Variants in SEMA6A observed in about 807,000 individuals in gnomAD.
The protein encoded by SEMA6A is semaphorin 6A, also known as semaphorin-6A.
In SEMA6A, 25 loss-of-function variants were observed where a neutral mutation model predicts 96.8. The observed-to-expected ratio is 0.26, with a 90% CI of 0.19 to 0.36. The LOEUF (loss-of-function observed/expected upper bound fraction) is 0.36. SEMA6A is among the 10% of genes least tolerant of loss of function. SEMA6A has a pLI of 1.00. For missense variants in SEMA6A, 1,363 were observed against 1,323.1 expected (o/e 1.03, Z -0.47); for synonymous variants, 612 against 518.0 (o/e 1.18, Z -2.46).
At chr5:116,507,443 G>A (rs932436190) in intron 1 of SEMA6A, among the ~76,000 whole-genome samples, 3 of 152,112 alleles carry the variant, frequency 2.0e-5, no homozygotes, top group African/African-American at 7.2e-5. Flanking sequence ...AAGAACACAG[G>A]CTTGAGTCTC....
intron 18 of SEMA6A, among the ~76,000 whole-genome samples, chr5:116,466,178 C>T (rs1230266555): frequency 6.6e-6 from 1 of 151,244 alleles, no homozygotes; most frequent in Non-Finnish European, 1.5e-5. Context: ...CAAGACCAGC[C>T]TGGCCAACAT....
chr5:116,563,949 C>T (rs1760921520), intron 1 of SEMA6A, among the ~76,000 whole-genome samples: 2 of 152,248 alleles, frequency 1.3e-5, no homozygotes, highest in African/African-American at 2.4e-5. Flanking sequence ...ATAATTGAAG[C>T]CTCTGGGTGA....
chr5:116,464,772 A>G (rs1484742765), intron 18 of SEMA6A, among the ~76,000 whole-genome samples: 4 of 152,244 alleles, frequency 2.6e-5, no homozygotes, highest in Non-Finnish European at 5.9e-5. Flanking sequence ...AAACGCAGCA[A>G]ACATACTCTG....
intron 1 of SEMA6A, among the ~76,000 whole-genome samples, chr5:116,531,935 C>G (rs919458375): frequency 1.5e-4 from 23 of 152,232 alleles, no homozygotes; most frequent in African/African-American, 5.1e-4. Flanking sequence ...AAAGAGCCAA[C>G]TGGAATTAGC....
At chr5:116,455,608 G>C (rs1480898625) in intron 18 of SEMA6A, among the ~76,000 whole-genome samples, 1 of 152,090 alleles carries the variant, frequency 6.6e-6, no homozygotes, top group Non-Finnish European at 1.5e-5. Context: ...GTGAAATTTG[G>C]GCAAGTCTTT....
intron 15 of SEMA6A, among the ~76,000 whole-genome samples, chr5:116,476,180 T>C (rs1756438278): frequency 6.6e-6 from 1 of 152,178 alleles, no homozygotes; most frequent in South Asian, 2.1e-4. Context: ...AGTATTACTC[T>C]CATTCTCTTT....
chr5:116,473,055 G>C lies in SEMA6A; in HGVS notation c.1729+18C>G. The C allele has an allele frequency of 6.3e-7, 1 of 1,587,978 alleles. No individual in the cohort carries two copies. The highest frequency in any genetic ancestry group is 8.6e-7 in the Non-Finnish European group (1 of 1,165,572). ...GGTTTCCACCAGTATGGAATTATGA[G>C]AGTAATATCTTCCTTACCATTCAGT... is the stretch of plus-strand genomic sequence containing the variant. On this transcript the variant is annotated intron_variant, in intron 17 of 18. Coordinates refer to ENST00000343348, the MANE Select transcript of SEMA6A (RefSeq NM_020796.5).
intron 9 of SEMA6A, among the ~76,000 whole-genome samples, chr5:116,487,836 C>G (rs999647023): frequency 2.2e-4 from 34 of 152,230 alleles, no homozygotes; most frequent in African/African-American, 7.7e-4. Context: ...TGCACTCCAG[C>G]CTGGGCAACT....
Position 116,447,100 on chromosome 5 carries a change from T to A in SEMA6A, c.2606A>T (p.Asn869Ile). 1 of 1,613,894 alleles carries A rather than the reference T, an allele frequency of 6.2e-7. No homozygotes were observed. The highest frequency in any genetic ancestry group is 8.5e-7 in the Non-Finnish European group (1 of 1,179,858). ...CAGGCTGTCCAGGTTCTCCACAAGG[T>A]TCACCCCATGGTTGGGACTCTTGCT... ...LSSKSPNHGV[N>I]LVENLDSLPP... The change falls in exon 19 of 19, where the codon AAC (asparagine) becomes ATC (isoleucine). Residue 869 changes from asparagine to isoleucine, a missense_variant. Around this residue, in one of 2 missense-constraint regions of SEMA6A, gnomAD observed 883 missense variants for 763.6 expected, o/e 1.16. Transcript: ENST00000343348.
chr5:116,482,735 TTCTC>T (rs1399649918), intron 10 of SEMA6A, among the ~76,000 whole-genome samples, 160 bp from the exon 11 acceptor site: 1 of 152,216 alleles, frequency 6.6e-6, no homozygotes, highest in Admixed American at 6.5e-5. Flanking sequence ...AAGAAAATAT[TTCTC>T]TCAATCAAAT....
intron 1 of SEMA6A, among the ~76,000 whole-genome samples, chr5:116,509,494 C>G (rs1474851641): frequency 6.6e-6 from 1 of 152,184 alleles, no homozygotes; most frequent in African/African-American, 2.4e-5. Flanking sequence ...CTAGTCTCCT[C>G]ACCTGTAAAA....
chr5:116,478,609 T>C lies in SEMA6A; in HGVS notation c.1360A>G (p.Ile454Val), dbSNP rs758903108. Reference protein sequence around the residue: ...KGIILKFLARIGNSGFLNDSL... With the variant: ...KGIILKFLARVGNSGFLNDSL... ...TCATTTAGAAAACCACTATTTCCTA[T>C]TCTGGCCAAAAACTTCAAGATGATT... The change falls in exon 13 of 19, where the codon ATA becomes GTA. Residue 454 changes from isoleucine to valine, a missense_variant. Ile to Val is a conservative substitution (Grantham distance 29, BLOSUM62 3). Transcript: ENST00000343348. 6.2e-7 allele frequency: 1 copy of C among 1,613,560 alleles called. No individual in the cohort carries two copies. The highest frequency in any genetic ancestry group is 1.1e-5 in the South Asian group (1 of 90,966).
chr5:116,496,400 G>A, intron 4 of SEMA6A, 87 bp from the exon 5 acceptor site: 1 of 1,069,372 alleles, frequency 9.4e-7, no homozygotes, highest in Non-Finnish European at 1.4e-6. Flanking sequence ...GGAGACTAAA[G>A]GCTGAACATA....
chr5:116,460,229 T>C (rs1755295330), intron 18 of SEMA6A, among the ~76,000 whole-genome samples: 1 of 152,314 alleles, frequency 6.6e-6, no homozygotes, highest in South Asian at 2.1e-4. Flanking sequence ...TGAGCCTTCC[T>C]TACTTGAAAG....
At chr5:116,542,605 A>G (rs1448299205) in intron 1 of SEMA6A, among the ~76,000 whole-genome samples, 2 of 152,250 alleles carry the variant, frequency 1.3e-5, no homozygotes, top group African/African-American at 4.8e-5. Flanking sequence ...AACCCAAAAA[A>G]GTCAAATATC....
At chr5:116,473,413 G>T (rs1439622950) in intron 16 of SEMA6A, among the ~76,000 whole-genome samples, 1 of 152,092 alleles carries the variant, frequency 6.6e-6, no homozygotes, top group African/African-American at 2.4e-5. Context: ...TTATACAGAG[G>T]GACATGCATA....
Position 116,482,498 on chromosome 5 carries a change from T to C in SEMA6A, c.1040A>G (p.Lys347Arg). The C allele has an allele frequency of 3.1e-6, 5 of 1,613,640 alleles. No individual in the cohort carries two copies. The highest frequency in any genetic ancestry group is 4.2e-6 in the Non-Finnish European group (5 of 1,179,680). Residue 347 changes from lysine to arginine, a missense_variant, in exon 11 of 19, where the codon AAG becomes AGG. Lys to Arg is a conservative substitution (Grantham distance 26). Around this residue, in one of 2 missense-constraint regions of SEMA6A, gnomAD observed 480 missense variants for 559.5 expected, o/e 0.86. Transcript: ENST00000343348. ...SVFTGRFKEQ[K>R]SPDSTWTPVP... ...TGGTGTCCAGGTGGAATCAGGAGACTTCTGTTCCTTGAATCTCCCAGTAAA... is the reference window on the plus strand; with the variant it reads ...TGGTGTCCAGGTGGAATCAGGAGACCTCTGTTCCTTGAATCTCCCAGTAAA...
chr5:116,449,480 A>C, intron 18 of SEMA6A: 1 of 612,892 alleles, frequency 1.6e-6, no homozygotes, highest in Admixed American at 2.8e-5. Context: ...TTAAACTTCT[A>C]CTGAAATGTT....
intron 15 of SEMA6A, among the ~76,000 whole-genome samples, chr5:116,476,720 C>T (rs1756469519): frequency 6.6e-6 from 1 of 152,198 alleles, no homozygotes; most frequent in Non-Finnish European, 1.5e-5. Context: ...GGACATAGGT[C>T]ATCTCATAGC....
Sources: allele counts gnomAD v4.1 joint callset (sites outside exome capture counted in the v4.1 genomes callset), GRCh38; gene constraint gnomAD v4.1.1; regional missense constraint gnomAD v4.1.1; transcripts MANE v1.5; gene names NCBI Gene and HGNC (gene_info 2026-07-23, HGNC 2026-07-21).